Variants in MGST1 observed in about 807,000 individuals in gnomAD.
The protein encoded by MGST1 is microsomal glutathione S-transferase 1.
MGST1 carries 5 observed loss-of-function variants against 8.9 expected under a neutral mutation model. The ratio of observed to expected loss-of-function variants is 0.56; its 90% CI spans 0.29 to 1.19. MGST1 has a LOEUF of 1.19. Among genes scored for constraint, MGST1 ranks in the 50% most tolerant of loss-of-function variants. MGST1 has a pLI of 0.08. For missense variants in MGST1, 182 were observed against 187.4 expected (o/e 0.97, Z 0.17); for synonymous variants, 54 against 67.8 (o/e 0.80, Z 1.00).
intron 4 of MGST1, among the ~76,000 whole-genome samples, chr12:16,485,291 C>G (rs929837003): frequency 1.3e-5 from 2 of 152,194 alleles, no homozygotes; most frequent in East Asian, 3.9e-4. Context: ...CTTGTAGGCT[C>G]GATTTAGAAG....
At chr12:16,417,792 A>G (rs994471419) in intron 1 of MGST1, among the ~76,000 whole-genome samples, 1 of 152,212 alleles carries the variant, frequency 6.6e-6, no homozygotes, top group Non-Finnish European at 1.5e-5. Flanking sequence ...TAGAGTTTCT[A>G]CAATATGGGT....
downstream of MGST1, among the ~76,000 whole-genome samples, chr12:16,593,192 C>T (rs970803454): frequency 7.9e-5 from 12 of 151,788 alleles, no homozygotes; most frequent in African/African-American, 1.2e-4. The surrounding 1 kb of genome is among the most constrained non-coding windows in gnomAD (Gnocchi z 4.2). Flanking sequence ...GACGATGCTT[C>T]ACTGCATTAG....
intron 1 of MGST1, among the ~76,000 whole-genome samples, chr12:16,394,088 C>T (rs537659967): frequency 1.3e-5 from 2 of 152,308 alleles, no homozygotes; most frequent in South Asian, 4.1e-4. Flanking sequence ...TAGGTAATTA[C>T]AAACTATTTT....
intron 1 of MGST1, among the ~76,000 whole-genome samples, chr12:16,428,473 G>GT (rs1032237555): frequency 1.8e-3 from 263 of 144,122 alleles, no homozygotes; most frequent in African/African-American, 5.1e-3. Flanking sequence ...CATTTCTATT[G>GT]TTTTTTTTTT....
At chr12:16,426,726 C>A (rs1591724692) in intron 1 of MGST1, among the ~76,000 whole-genome samples, 1 of 151,900 alleles carries the variant, frequency 6.6e-6, no homozygotes, top group Non-Finnish European at 1.5e-5. Flanking sequence ...CCGAGGCGGG[C>A]GGATCACAAG....
chr12:16,405,337 G>A (rs1940690452), intron 1 of MGST1, among the ~76,000 whole-genome samples: 1 of 151,764 alleles, frequency 6.6e-6, no homozygotes, highest in South Asian at 2.1e-4. Flanking sequence ...TAAATTCCTG[G>A]ACACATCCAC....
At chr12:16,400,625 T>C in intron 1 of MGST1, 12 of 1,342,522 alleles carry the variant, frequency 8.9e-6, no homozygotes, top group Non-Finnish European at 1.3e-5. Flanking sequence ...TGACGCTTGG[T>C]ATGTAATTTC....
intron 1 of MGST1, among the ~76,000 whole-genome samples, chr12:16,423,347 A>G (rs1940854442): frequency 6.6e-6 from 1 of 152,350 alleles, no homozygotes; most frequent in Non-Finnish European, 1.5e-5. Context: ...AAGATTAGAC[A>G]TGAAGATAGG....
chr12:16,495,369 G>T (rs911961090), intron 4 of MGST1, among the ~76,000 whole-genome samples: 1 of 152,000 alleles, frequency 6.6e-6, no homozygotes, highest in African/African-American at 2.4e-5. Flanking sequence ...ACTATGCCCA[G>T]TACTCAAATG....
Position 16,517,371 on chromosome 12 carries a change from T to A in MGST1, n.483-72157T>A, listed in dbSNP as rs1478943138. Among the ~76,000 whole-genome samples the A allele has an allele frequency of 6.6e-6, 1 of 152,166 alleles. No individual in the cohort carries two copies. The highest frequency in any genetic ancestry group is 1.5e-5 in the Non-Finnish European group (1 of 68,032). ...ATAATGTTGTTATCACAGGAGTGAATTTGTTATAAAAGTAAGTTTGGCTTC... is the reference window on the plus strand; with the variant it reads ...ATAATGTTGTTATCACAGGAGTGAAATTGTTATAAAAGTAAGTTTGGCTTC... On this transcript the variant is annotated intron_variant and non_coding_transcript_variant, in intron 4 of 4. Coordinates refer to the MGST1 transcript ENST00000538857. This position sits in a 1 kb window ranked among gnomAD's most constrained non-coding sequence, Gnocchi z 4.2.
chr12:16,515,362 A>G (rs1464270257), intron 4 of MGST1, among the ~76,000 whole-genome samples: 1 of 152,186 alleles, frequency 6.6e-6, no homozygotes, highest in East Asian at 1.9e-4. Context: ...TTTATTTAAA[A>G]ATAAAGAGGC....
intron 1 of MGST1, chr12:16,400,977 C>T: frequency 1.4e-6 from 2 of 1,441,722 alleles, no homozygotes; most frequent in East Asian, 2.3e-5. Context: ...TTGAGTTGAG[C>T]CACTAGTTCT....
intron 4 of MGST1, among the ~76,000 whole-genome samples, chr12:16,536,925 T>G (rs1941760008): frequency 1.3e-5 from 2 of 151,956 alleles, no homozygotes. Context: ...CCTTAGCCCC[T>G]CCAAATCTCA....
rs905133470 is a variant in MGST1, at chr12:16,517,653, T to C, written n.483-71875T>C. ...AGCAGGTAAGCAAATCATGGAACAATGGCCATGACAGAGTGTTGCAAGCCA... is the reference window on the plus strand; with the variant it reads ...AGCAGGTAAGCAAATCATGGAACAACGGCCATGACAGAGTGTTGCAAGCCA... On this transcript the variant is annotated intron_variant and non_coding_transcript_variant, in intron 4 of 4. Transcript: ENST00000538857. This position sits in a 1 kb window ranked among gnomAD's most constrained non-coding sequence, Gnocchi z 4.2. 2.0e-5 allele frequency among the ~76,000 whole-genome samples: 3 copies of C among 152,186 alleles called. No individual in the cohort carries two copies. The highest frequency in any genetic ancestry group is 4.8e-5 in the African/African-American group (2 of 41,448).
At chr12:16,382,067 T>G (rs1940457827), downstream of MGST1, among the ~76,000 whole-genome samples, 1 of 152,198 alleles carries the variant, frequency 6.6e-6, no homozygotes, top group Non-Finnish European at 1.5e-5. Context: ...TTTTAACTTC[T>G]TTGCCATTGG....
At chr12:16,382,952 G>A (rs61709109) in exon 1 of MGST1, 12,452 of 152,654 alleles carry the variant, frequency 0.082, 529 homozygotes, top group East Asian at 0.13. Flanking sequence ...AGCCAGGTGC[G>A]AGATATAATC....
chr12:16,372,034 C>T (rs1374961842), intron 3 of MGST1, among the ~76,000 whole-genome samples: 2 of 149,628 alleles, frequency 1.3e-5, no homozygotes, highest in Admixed American at 6.6e-5. Flanking sequence ...AAAATCAAAC[C>T]AAAATGGATT....
rs1217082825 is a variant in MGST1, at chr12:16,547,153, G to A, written n.483-42375G>A. On this transcript the variant is annotated intron_variant and non_coding_transcript_variant, in intron 4 of 4. Transcript: ENST00000538857. This position sits in a 1 kb window ranked among gnomAD's most constrained non-coding sequence, Gnocchi z 4.6. ...CATTCATAAGGTTTTATAAACCCTAGGCATTCTGAAATCTTCGTTTATGAT... is the reference window on the plus strand; with the variant it reads ...CATTCATAAGGTTTTATAAACCCTAAGCATTCTGAAATCTTCGTTTATGAT... Among the ~76,000 whole-genome samples the A allele has an allele frequency of 6.6e-6, 1 of 151,952 alleles. No homozygotes were observed. Among genetic ancestry groups the A allele is most frequent in the African/African-American group, 2.4e-5 (1 of 41,364 alleles).
At chr12:16,437,133 A>T (rs1940993787) in intron 1 of MGST1, among the ~76,000 whole-genome samples, 1 of 151,912 alleles carries the variant, frequency 6.6e-6, no homozygotes, top group Admixed American at 6.6e-5. Context: ...AACTCATATT[A>T]GTCCTGGGAA....
Sources: gnomAD v4.1 joint callset for allele counts (sites outside exome capture counted in the v4.1 genomes callset) on GRCh38, gnomAD v4.1.1 for gene constraint, Gnocchi (gnomAD v3.1) non-coding constraint, MANE v1.5 for transcripts, NCBI Gene and HGNC (gene_info 2026-07-23, HGNC 2026-07-21) for gene names.